Variants in ZC3H12B observed in about 807,000 individuals in gnomAD.
ZC3H12B encodes probable ribonuclease ZC3H12B.
A neutral mutation model predicts 43.9 loss-of-function variants in ZC3H12B; 7 were observed. The observed-to-expected ratio is 0.16, with a 90% CI of 0.09 to 0.30. The LOEUF (loss-of-function observed/expected upper bound fraction) is 0.30. Among genes scored for constraint, ZC3H12B ranks in the 10% least tolerant of loss-of-function variants. ZC3H12B has a pLI of 1.00. For synonymous variants in ZC3H12B, 222 were observed against 241.7 expected (o/e 0.92, Z 0.76); for missense variants, 475 against 670.2 (o/e 0.71, Z 3.22).
chrX:65,163,628 G>T, the ZC3H12B span, among the ~76,000 whole-genome samples: 15 of 111,910 alleles, frequency 1.3e-4, no homozygotes, highest in South Asian at 3.7e-4. Flanking sequence ...TCAGAAAAGC[G>T]CAGTATTAGG....
chrX:65,374,856 A>G (rs1482331391), intron 2 of ZC3H12B, among the ~76,000 whole-genome samples: 1 of 111,012 alleles, frequency 9.0e-6, no homozygotes, highest in African/African-American at 3.3e-5. Flanking sequence ...TAAAACCATC[A>G]GATCTTGTGA....
chrX:65,149,428 GA>G, the ZC3H12B span, among the ~76,000 whole-genome samples: 2 of 111,690 alleles, frequency 1.8e-5, no homozygotes, highest in African/African-American at 6.5e-5. Context: ...TTACATAGCA[GA>G]TAGTTATTTA....
intron 3 of ZC3H12B, among the ~76,000 whole-genome samples, chrX:65,428,022 C>T (rs1217308970): frequency 9.0e-6 from 1 of 111,677 alleles, no homozygotes; most frequent in Non-Finnish European, 1.9e-5. Context: ...GTTGATGAAG[C>T]TTAGTCTGGC....
the ZC3H12B span, among the ~76,000 whole-genome samples, chrX:65,148,304 G>A: frequency 1.4e-3 from 160 of 111,495 alleles, 1 homozygote; most frequent in African/African-American, 4.9e-3. Context: ...ATAATGCTCC[G>A]TGGGCTTGGA....
the ZC3H12B span, among the ~76,000 whole-genome samples, chrX:65,065,997 G>T: frequency 9.3e-6 from 1 of 107,467 alleles, no homozygotes; most frequent in Admixed American, 1.0e-4. Context: ...GCTCCATCAG[G>T]TCATTTATGT....
chrX:65,147,408 T>C, the ZC3H12B span, among the ~76,000 whole-genome samples: 1 of 111,531 alleles, frequency 9.0e-6, no homozygotes, highest in African/African-American at 3.3e-5. Context: ...GTGTGTGTGG[T>C]TGGGCTCAGA....
Position 65,418,714 on chromosome X carries a change from T to A in ZC3H12B, n.407+20010T>A, listed in dbSNP as rs144520684. Among the ~76,000 whole-genome samples the A allele has an allele frequency of 8.1e-4, 91 of 111,760 alleles. No homozygotes were observed. The East Asian group carries it at 0.015, about 19-fold the overall frequency. ...ATAAGCAGGATAGTTCTAGGTCAAG[T>A]GAACATAAGTTTCACCTGAATAGTG... On this transcript the variant is annotated intron_variant and non_coding_transcript_variant, in intron 3 of 5. Coordinates refer to the ZC3H12B transcript ENST00000617377.
At chrX:65,456,436 TCTC>T (rs2067612661) in intron 3 of ZC3H12B, among the ~76,000 whole-genome samples, 2 of 40,005 alleles carry the variant, frequency 5.0e-5, no homozygotes, top group East Asian at 1.8e-3. Flanking sequence ...TCCCTCTCCC[TCTC>T]CCTCTCCCTG....
intron 2 of ZC3H12B, among the ~76,000 whole-genome samples, chrX:65,392,439 C>A (rs2066633803): frequency 8.9e-6 from 1 of 111,858 alleles, no homozygotes; most frequent in African/African-American, 3.3e-5. Context: ...AAGTGAGGAG[C>A]CCCTCCGCCC....
chrX:65,098,905 G>A, the ZC3H12B span, among the ~76,000 whole-genome samples: 2 of 110,811 alleles, frequency 1.8e-5, no homozygotes, highest in African/African-American at 6.6e-5. Flanking sequence ...CCGAAAAGGG[G>A]GCTGAAGCCA....
At chrX:65,070,616 G>A in the ZC3H12B span, among the ~76,000 whole-genome samples, 1 of 110,556 alleles carries the variant, frequency 9.0e-6, no homozygotes, top group African/African-American at 3.3e-5. Flanking sequence ...GTGTCCCAGA[G>A]ATTCTGGTTT....
At chrX:65,168,398 G>C in the ZC3H12B span, among the ~76,000 whole-genome samples, 5 of 111,741 alleles carry the variant, frequency 4.5e-5, no homozygotes, top group African/African-American at 1.3e-4. Context: ...ACTTGATCAT[G>C]GTGGATAAGC....
chrX:65,458,925 G>GTTT (rs2148171607), intron 3 of ZC3H12B, among the ~76,000 whole-genome samples: 1 of 111,079 alleles, frequency 9.0e-6, no homozygotes, highest in Non-Finnish European at 1.9e-5. Flanking sequence ...CCAGGAGCTG[G>GTTT]TTTTTTGAAA....
At chrX:65,099,043 G>C in the ZC3H12B span, among the ~76,000 whole-genome samples, 10 of 111,329 alleles carry the variant, frequency 9.0e-5, no homozygotes, top group Admixed American at 2.8e-4. Context: ...GAGCATGGTG[G>C]GGGAGGGGTG....
the ZC3H12B span, among the ~76,000 whole-genome samples, chrX:65,158,102 T>A: frequency 9.2e-6 from 1 of 108,654 alleles, no homozygotes; most frequent in African/African-American, 3.3e-5. Flanking sequence ...GGACATGAAC[T>A]CATCATTTTT....
At chrX:65,115,641 CG>C in the ZC3H12B span, among the ~76,000 whole-genome samples, 1 of 111,589 alleles carries the variant, frequency 9.0e-6, no homozygotes, top group Non-Finnish European at 1.9e-5. Flanking sequence ...CACTGTTTTC[CG>C]TAGTGGTTCT....
the ZC3H12B span, among the ~76,000 whole-genome samples, chrX:65,243,703 A>C: frequency 8.9e-6 from 1 of 112,553 alleles, no homozygotes; most frequent in Non-Finnish European, 1.9e-5. Flanking sequence ...ACAATATCCA[A>C]GATACGGAAT....
At chrX:65,151,753 C>T in the ZC3H12B span, among the ~76,000 whole-genome samples, 1 of 111,461 alleles carries the variant, frequency 9.0e-6, no homozygotes, top group Non-Finnish European at 1.9e-5. Context: ...CATCCTGATA[C>T]CAAAGCCGGG....
the ZC3H12B span, among the ~76,000 whole-genome samples, chrX:65,245,920 A>AT: frequency 9.0e-6 from 1 of 111,046 alleles, no homozygotes; most frequent in African/African-American, 3.3e-5. Flanking sequence ...AACTTAAAAT[A>AT]TTTAAAAAAA....
Sources: allele counts gnomAD v4.1 joint callset (sites outside exome capture counted in the v4.1 genomes callset), GRCh38; gene constraint gnomAD v4.1.1; transcripts MANE v1.5; gene names NCBI Gene and HGNC (gene_info 2026-07-23, HGNC 2026-07-21).